Variants in TIAM2 observed in about 807,000 individuals in gnomAD.
TIAM2 encodes rho guanine nucleotide exchange factor TIAM2.
TIAM2 carries 80 observed loss-of-function variants against 152.9 expected under a neutral mutation model. The ratio of observed to expected loss-of-function variants is 0.52; its 90% confidence interval spans 0.44 to 0.63. The LOEUF (loss-of-function observed/expected upper bound fraction) is 0.63, where lower values mean the gene tolerates loss of function less well. Among genes scored for constraint, TIAM2 ranks in the 30% least tolerant of loss-of-function variants. The pLI is 0.00. For missense variants in TIAM2, 1,965 were observed against 2,120.1 expected, an observed-to-expected ratio of 0.93 and a Z score of 1.44; for synonymous variants, 804 against 838.0, an observed-to-expected ratio of 0.96 and a Z score of 0.70.
At chr6:155,068,555 C>G (rs1562306664) in intron 1 of TIAM2, among the ~76,000 whole-genome samples, 1 of 151,618 alleles carries the variant, frequency 6.6e-6, no homozygotes, top group African/African-American at 2.4e-5. Context: ...TGGGTTCAAG[C>G]GATTCTTCTA....
chr6:155,012,344 G>T (rs1778503971), intron 1 of TIAM2, among the ~76,000 whole-genome samples: 1 of 152,078 alleles, frequency 6.6e-6, no homozygotes, highest in South Asian at 2.1e-4. Context: ...ACAGTATTTT[G>T]ATTTTTCTCA....
At chr6:155,115,874 G>A (rs1038683886) in intron 2 of TIAM2, among the ~76,000 whole-genome samples, 9 of 152,164 alleles carry the variant, frequency 5.9e-5, no homozygotes, top group African/African-American at 1.9e-4. Context: ...ATCTATGGGA[G>A]GCCGAGGTGG....
intron 2 of TIAM2, among the ~76,000 whole-genome samples, chr6:155,115,519 G>T (rs1291464147): frequency 6.6e-6 from 1 of 152,052 alleles, no homozygotes; most frequent in African/African-American, 2.4e-5. Flanking sequence ...CAGGCATGGT[G>T]GTGCAAGCCT....
chr6:155,102,742 A>G (rs1241508352), intron 2 of TIAM2, among the ~76,000 whole-genome samples: 4 of 150,788 alleles, frequency 2.7e-5, no homozygotes, highest in African/African-American at 9.8e-5. Context: ...TTAGTAAAAC[A>G]TGGTGTTTTT....
intron 1 of TIAM2, among the ~76,000 whole-genome samples, chr6:155,049,679 T>C (rs1355120126): frequency 6.6e-6 from 1 of 152,158 alleles, no homozygotes; most frequent in Admixed American, 6.5e-5. Context: ...ATAATAGCAG[T>C]CCTTAATTAA....
At chr6:155,088,024 G>A (rs1005603356) in intron 1 of TIAM2, among the ~76,000 whole-genome samples, 1 of 145,120 alleles carries the variant, frequency 6.9e-6, no homozygotes, top group Non-Finnish European at 1.5e-5. Flanking sequence ...ATGCCAGGTT[G>A]TATAGGTGTA....
At chr6:155,205,882 T>A (rs1428703151) in intron 14 of TIAM2, among the ~76,000 whole-genome samples, 5 of 152,174 alleles carry the variant, frequency 3.3e-5, no homozygotes, top group Non-Finnish European at 7.3e-5. Context: ...CTGTGCTAGG[T>A]TGGATTTGGA....
At chr6:155,104,050 C>CCCACACA (rs1778617598) in intron 2 of TIAM2, among the ~76,000 whole-genome samples, 1 of 87,542 alleles carries the variant, frequency 1.1e-5, no homozygotes, top group African/African-American at 5.7e-5. Flanking sequence ...ACCCCCCCCC[C>CCCACACA]CACACCCCCA....
intron 14 of TIAM2, among the ~76,000 whole-genome samples, chr6:155,206,635 A>G (rs1583249355): frequency 6.6e-6 from 1 of 152,178 alleles, no homozygotes; most frequent in South Asian, 2.1e-4. Flanking sequence ...TCTGGCACCC[A>G]TGGGAATTAA....
chr6:155,187,573 C>CCTTTTTTTT (rs1189509294), intron 14 of TIAM2, among the ~76,000 whole-genome samples: 17 of 49,622 alleles, frequency 3.4e-4, no homozygotes, highest in East Asian at 1.3e-3. Context: ...ACCCCGCCCC[C>CCTTTTTTTT]TTTTTTTTTT....
At chr6:155,244,608 C>G in intron 17 of TIAM2, 50 bp from the exon 18 acceptor site, 1 of 1,598,930 alleles carries the variant, frequency 6.3e-7, no homozygotes, top group Non-Finnish European at 8.5e-7. Context: ...AGCGTGGTGT[C>G]CTGAACTTCA....
In TIAM2 at chr6:155,083,606, G is replaced by A. The variant is rs925011896; in HGVS notation, c.-208-6683G>A. Reference sequence around the variant, plus strand: ...GATACTAAATATGTGTAATTCTTGGGGCATGGATTGTGTGGTTCATTTGGA... The same window carrying A: ...GATACTAAATATGTGTAATTCTTGGAGCATGGATTGTGTGGTTCATTTGGA... On this transcript the variant is annotated intron_variant, in intron 1 of 26. Transcript: ENST00000682666. Among the ~76,000 whole-genome samples, 3 of 152,200 alleles carry A rather than the reference G, an allele frequency of 2.0e-5. No homozygotes were observed. In the East Asian group the frequency reaches 5.8e-4, roughly 29 times the overall value.
At chr6:155,170,835 T>C (rs926303238) in intron 9 of TIAM2, among the ~76,000 whole-genome samples, 1 of 152,204 alleles carries the variant, frequency 6.6e-6, no homozygotes, top group African/African-American at 2.4e-5. Flanking sequence ...ACTTGTGATG[T>C]AGGGATACTG....
At chr6:155,126,167 C>G (rs1051485479) in intron 2 of TIAM2, among the ~76,000 whole-genome samples, 4 of 152,226 alleles carry the variant, frequency 2.6e-5, no homozygotes, top group African/African-American at 9.6e-5. Flanking sequence ...ATTCTGACAT[C>G]TGCTACCACG....
chr6:155,250,125 A>T (rs536519883), intron 21 of TIAM2, among the ~76,000 whole-genome samples, 156 bp downstream of exon 21: 66 of 152,336 alleles, frequency 4.3e-4, no homozygotes, highest in African/African-American at 1.4e-3. Context: ...CACAATTTAC[A>T]TATAGACATA....
chr6:155,209,180 T>G (rs998350770), intron 14 of TIAM2, among the ~76,000 whole-genome samples: 1 of 151,540 alleles, frequency 6.6e-6, no homozygotes. Context: ...TCTCTCTGCC[T>G]CCCCCTCCCT....
chr6:154,996,086 C>G (rs758352610), intron 1 of TIAM2, among the ~76,000 whole-genome samples: 1 of 152,192 alleles, frequency 6.6e-6, no homozygotes, highest in Non-Finnish European at 1.5e-5. Context: ...GCTGAGGTGC[C>G]AAGTTTCTGT....
intron 1 of TIAM2, among the ~76,000 whole-genome samples, chr6:155,002,703 C>G (rs372362593): frequency 1.0e-5 from 1 of 98,236 alleles, no homozygotes; most frequent in Non-Finnish European, 2.3e-5. Context: ...ATTTTTGACA[C>G]GGAGTTTCGT....
At chr6:155,239,708 A>G (rs552905021) in intron 15 of TIAM2, among the ~76,000 whole-genome samples, 1 of 152,250 alleles carries the variant, frequency 6.6e-6, no homozygotes, top group East Asian at 1.9e-4. Flanking sequence ...CATGACTGGG[A>G]GCGAGTATTT....
Sources: allele counts gnomAD v4.1 joint callset (sites outside exome capture counted in the v4.1 genomes callset), GRCh38; gene constraint gnomAD v4.1.1; transcripts MANE v1.5; gene names NCBI Gene and HGNC (gene_info 2026-07-23, HGNC 2026-07-21).